Variants in NCKAP5 observed in about 807,000 individuals in gnomAD.
NCKAP5 encodes the protein nck-associated protein 5.
Under a neutral mutation model 167.0 loss-of-function variants are expected in NCKAP5, and 92 were observed. The observed-to-expected ratio is 0.55, with a 90% confidence interval of 0.47 to 0.66. NCKAP5 has a LOEUF of 0.66. Among genes scored for constraint, NCKAP5 ranks in the 30% least tolerant of loss-of-function variants. The pLI, the probability that NCKAP5 is intolerant of heterozygous loss-of-function variation, is 0.00. For missense variants in NCKAP5, 2,378 were observed against 2,315.0 expected (o/e 1.03, Z -0.56); for synonymous variants, 891 against 877.4 (o/e 1.02, Z -0.27).
chr2:133,591,860 G>A, the NCKAP5 span, among the ~76,000 whole-genome samples: 742 of 152,198 alleles, frequency 4.9e-3, 5 homozygotes, highest in African/African-American at 0.017. Context: ...TCATGTTTAT[G>A]ATATGAACTT....
rs2082548305 is a variant in NCKAP5, at chr2:133,130,103, C to T, written c.216G>A (p.Lys72=). 10 of 1,608,486 alleles carry T rather than the reference C, an allele frequency of 6.2e-6. No homozygotes were observed. The highest frequency in any genetic ancestry group is 8.5e-6 in the Non-Finnish European group (10 of 1,178,484). Residue 72 remains lysine (K), a synonymous_variant, in exon 6 of 20, where the codon AAG becomes AAA. Transcript: ENST00000409261. ...QRTSEGAMHE[K]LIHELEEERH... is the part of the protein sequence containing the mutation. ...TCTCCTCTTCCAGTTCATGTATCAG[C>T]TTCTCATGCTATAAAAGACACAAAG...
chr2:133,328,880 G>T (rs1462020766), intron 3 of NCKAP5, among the ~76,000 whole-genome samples: 6 of 152,078 alleles, frequency 3.9e-5, no homozygotes, highest in Admixed American at 3.9e-4. Flanking sequence ...AAAACTTGCG[G>T]CAATCATAAT....
At position 132,784,432 on chromosome 2, in the gene NCKAP5, G is replaced by A. The variant is rs1286317263; in HGVS notation, c.2379C>T (p.Gly793=). 6.2e-7 allele frequency: 1 copy of A among 1,610,894 alleles called. No individual in the cohort carries two copies. Among genetic ancestry groups the A allele is most frequent in the Non-Finnish European group, 8.5e-7 (1 of 1,178,830 alleles). Residue 793 remains glycine, a synonymous_variant, in exon 14 of 20, where the codon GGC becomes GGT. Transcript: ENST00000409261. ...TTGTCAGATTTTGCTTTTGATAGAT[G>A]CCCATGGGTGCCGAAGACCTGGAAT... ...QSNSRSSAPM[G]IYQKQNLTKI...
In NCKAP5 at chr2:132,783,771, C is replaced by G. The variant is rs769892792; in HGVS notation, c.3040G>C (p.Ala1014Pro). The change falls in exon 14 of 20, where the codon GCA becomes CCA. Residue 1014 changes from alanine to proline, a missense_variant. Physicochemically the swap from Ala to Pro is conservative, Grantham distance 27 (BLOSUM62 -1). Coordinates refer to ENST00000409261, the MANE Select transcript of NCKAP5 (RefSeq NM_207363.3). Reference sequence around the variant, plus strand: ...GCAGGGCATCGGGTTTGAATGACTGCTTCTGGGGAGGGCATAGGGTGAGTG... The same window carrying G: ...GCAGGGCATCGGGTTTGAATGACTGGTTCTGGGGAGGGCATAGGGTGAGTG... Reference protein sequence around the residue: ...IFTHPMPSPEAVIQTRCPAHA... With the variant: ...IFTHPMPSPEPVIQTRCPAHA... 1.3e-5 allele frequency: 20 copies of G among 1,582,282 alleles called. No individual in the cohort carries two copies. The highest frequency in any genetic ancestry group is 1.7e-5 in the Non-Finnish European group (20 of 1,165,620).
chr2:133,578,413 A>G, the NCKAP5 span, among the ~76,000 whole-genome samples: 6 of 152,240 alleles, frequency 3.9e-5, no homozygotes, highest in African/African-American at 1.4e-4. Context: ...CCTGGGGAAG[A>G]CGCAGACATG....
chr2:133,463,887 C>T (rs796983743), intron 3 of NCKAP5, among the ~76,000 whole-genome samples: 7 of 152,208 alleles, frequency 4.6e-5, no homozygotes, highest in African/African-American at 1.7e-4. Flanking sequence ...TTTAGTTTTC[C>T]TTGAGGTTCT....
At chr2:133,061,073 AAAC>A (rs1477228777) in intron 6 of NCKAP5, among the ~76,000 whole-genome samples, 3 of 124,176 alleles carry the variant, frequency 2.4e-5, no homozygotes, top group South Asian at 3.3e-4. Context: ...ATTAAAAAAA[AAAC>A]AAAACAACAA....
intron 3 of NCKAP5, among the ~76,000 whole-genome samples, chr2:133,360,311 A>G: frequency 6.6e-6 from 1 of 152,250 alleles, no homozygotes; most frequent in Middle Eastern, 3.2e-3. Flanking sequence ...ATCTCAAATC[A>G]AAGGCAGACT....
At chr2:133,220,283 A>T (rs569186318) in intron 4 of NCKAP5, among the ~76,000 whole-genome samples, 1 of 152,186 alleles carries the variant, frequency 6.6e-6, no homozygotes, top group African/African-American at 2.4e-5. Flanking sequence ...GGGATATTTT[A>T]TCAAGAGCTG....
chr2:132,703,155 T>C (rs1487605730), intron 19 of NCKAP5, among the ~76,000 whole-genome samples: 2 of 152,196 alleles, frequency 1.3e-5, no homozygotes, highest in Non-Finnish European at 2.9e-5. Flanking sequence ...CACTCTAGCC[T>C]AGATGACAGA....
Position 132,969,632 on chromosome 2 carries a change from T to C in NCKAP5, c.430-5763A>G, listed in dbSNP as rs1325638205. On this transcript the variant is annotated intron_variant, in intron 7 of 19. Transcript: ENST00000409261. Reference sequence around the variant, plus strand: ...GCCTGCTGGAGGCAGTGAGGCTCTGTGTAGTTCTCAAGTAAAAGTGCTCTC... The same window carrying C: ...GCCTGCTGGAGGCAGTGAGGCTCTGCGTAGTTCTCAAGTAAAAGTGCTCTC... Among the ~76,000 whole-genome samples the C allele has an allele frequency of 3.9e-5, 6 of 152,172 alleles. No individual in the cohort carries two copies. The South Asian group carries it at 1.2e-3, about 32-fold the overall frequency.
intron 3 of NCKAP5, among the ~76,000 whole-genome samples, chr2:133,493,433 A>T (rs112918064): frequency 5.5e-4 from 84 of 152,350 alleles, no homozygotes; most frequent in African/African-American, 1.8e-3. Flanking sequence ...TTTGGCAAGC[A>T]TATGAAAACT....
At chr2:133,067,015 A>C (rs2080221899) in intron 6 of NCKAP5, among the ~76,000 whole-genome samples, 1 of 129,298 alleles carries the variant, frequency 7.7e-6, no homozygotes, top group African/African-American at 3.2e-5. Context: ...GAGGAAACTC[A>C]GTGCCATTTT....
intron 19 of NCKAP5, among the ~76,000 whole-genome samples, chr2:132,720,340 T>G (rs2105383227): frequency 6.6e-6 from 1 of 152,354 alleles, no homozygotes; most frequent in South Asian, 2.1e-4. Flanking sequence ...TGCTAACAAC[T>G]AGACTTTCTA....
chr2:133,600,503 G>A, the NCKAP5 span, among the ~76,000 whole-genome samples: 1 of 152,212 alleles, frequency 6.6e-6, no homozygotes, highest in Admixed American at 6.5e-5. Context: ...TTTGAGAAAT[G>A]CTCACGTGCC....
chr2:133,601,043 G>T, the NCKAP5 span, among the ~76,000 whole-genome samples: 2 of 152,206 alleles, frequency 1.3e-5, no homozygotes, highest in Non-Finnish European at 2.9e-5. Context: ...ACCTGGCCGG[G>T]CCCTCCACCT....
At position 132,948,834 on chromosome 2, in the gene NCKAP5, A is replaced by T. The variant is rs540794522; in HGVS notation, c.579+14886T>A. Among the ~76,000 whole-genome samples the T allele has an allele frequency of 1.0e-3, 152 of 152,264 alleles. 1 individual carries two copies. Among genetic ancestry groups the T allele is most frequent in the Non-Finnish European group, 1.8e-3 (121 of 68,014 alleles). ...GGCAGGTAGGTAGCAGCCCATGGACACAAGTAAATCAGGTCTAAAGCCTAA... is the reference window on the plus strand; with the variant it reads ...GGCAGGTAGGTAGCAGCCCATGGACTCAAGTAAATCAGGTCTAAAGCCTAA... On this transcript the variant is annotated intron_variant, in intron 8 of 19. Transcript: ENST00000409261.
At chr2:133,127,455 AC>A (rs1285222666) in intron 6 of NCKAP5, among the ~76,000 whole-genome samples, 1 of 152,196 alleles carries the variant, frequency 6.6e-6, no homozygotes, top group Admixed American at 6.5e-5. Context: ...AAAGTCCTTC[AC>A]AAAAGAAGTA....
chr2:133,631,390 G>T, the NCKAP5 span, among the ~76,000 whole-genome samples: 2 of 152,158 alleles, frequency 1.3e-5, no homozygotes, highest in African/African-American at 4.8e-5. Flanking sequence ...CATGTGGAAG[G>T]TTCTGACTGG....
Sources: allele counts gnomAD v4.1 joint callset (sites outside exome capture counted in the v4.1 genomes callset), GRCh38; gene constraint gnomAD v4.1.1; transcripts MANE v1.5; gene names NCBI Gene and HGNC (gene_info 2026-07-23, HGNC 2026-07-21).